Variants in SHB observed in about 807,000 individuals in gnomAD.
The protein encoded by SHB is SH2 domain containing adaptor protein B, also known as SH2 domain-containing adapter protein B.
Under a neutral mutation model 52.3 loss-of-function variants are expected in SHB, and 20 were observed. The observed-to-expected ratio is 0.38, with a 90% CI of 0.27 to 0.56. The LOEUF (loss-of-function observed/expected upper bound fraction) is 0.56. Ranked by LOEUF, SHB falls within the 20% of genes least tolerant of loss-of-function variation. SHB has a pLI of 0.71. For missense variants in SHB, 825 were observed against 723.3 expected, an observed-to-expected ratio of 1.14 and a Z score of -1.61; for synonymous variants, 397 against 316.5, an observed-to-expected ratio of 1.25 and a Z score of -2.70.
chr9:37,975,454 G>C (rs560511746), intron 2 of SHB, among the ~76,000 whole-genome samples: 119 of 152,270 alleles, frequency 7.8e-4, no homozygotes, highest in African/African-American at 2.7e-3. Context: ...ATTTGAGAGG[G>C]TGTCCAGCTT....
chr9:38,010,137 C>T (rs1464967246), intron 2 of SHB, among the ~76,000 whole-genome samples: 1 of 152,182 alleles, frequency 6.6e-6, no homozygotes, highest in African/African-American at 2.4e-5. Context: ...CATCTTGGTT[C>T]TGTTTCTGCT....
At chr9:38,063,916 T>C (rs924353793) in intron 1 of SHB, among the ~76,000 whole-genome samples, 1 of 152,038 alleles carries the variant, frequency 6.6e-6, no homozygotes, top group African/African-American at 2.4e-5. Context: ...CACATTAGTA[T>C]GTATTTAAAA....
intron 5 of SHB, among the ~76,000 whole-genome samples, chr9:37,924,165 G>C (rs1832217453): frequency 6.6e-6 from 1 of 152,218 alleles, no homozygotes; most frequent in Non-Finnish European, 1.5e-5. Flanking sequence ...GCAGAGGCCG[G>C]GGTGCTGGAG....
Position 37,919,634 on chromosome 9 carries a change from T to C in SHB, c.*187A>G. On this transcript the variant is annotated 3_prime_UTR_variant, in exon 6 of 6. Transcript: ENST00000377707. ...GGGGTGGTGTGTTGCCGCCCTTCTG[T>C]CTTTATCCAGGCCTTCTCCAGCCCC... 1 of 529,398 alleles carries C rather than the reference T, an allele frequency of 1.9e-6. No homozygotes were observed. The highest frequency in any genetic ancestry group is 5.0e-4 in the Middle Eastern group (1 of 2,008). The allele number at this position is 529,398 out of a possible 1,614,324, so 32.8% of individuals were successfully genotyped here.
chr9:38,045,693 G>T (rs976113849), intron 1 of SHB, among the ~76,000 whole-genome samples: 1 of 151,916 alleles, frequency 6.6e-6, no homozygotes, highest in Admixed American at 6.6e-5. Context: ...ACTATACAAC[G>T]TGAGATCCTA....
chr9:38,068,260 G>A lies in SHB; in HGVS notation c.386C>T (p.Ser129Leu). 6.9e-7 allele frequency: 1 copy of A among 1,447,878 alleles called. No homozygotes were observed. Among genetic ancestry groups the A allele is most frequent in the Non-Finnish European group, 9.0e-7 (1 of 1,109,034 alleles). The allele number at this position is 1,447,878 out of a possible 1,614,324, so 89.7% of individuals were successfully genotyped here. The change falls in exon 1 of 6, where the codon TCG becomes TTG. Residue 129 changes from serine (S) to leucine (L), a missense_variant. Ser to Leu is a moderately radical substitution (Grantham distance 145). Coordinates refer to ENST00000377707, the MANE Select transcript of SHB (RefSeq NM_003028.3). ...CGCGGCGCCCGACGCGGACGAGGCC[G>A]AGAAGGCGCGCTGGACCCCGCCTGG... ...GEPGGVQRAF[S>L]ASSASGAAGC...
In SHB at chr9:37,974,615, T is replaced by C; in HGVS notation, c.1054+7A>G. ...GCTGCCTCCTGAGCAGGGTCAGGGC[T>C]CCTTACCTGCCAGGGCTGGGATGGT... On this transcript the variant is annotated splice_region_variant and intron_variant, in intron 3 of 5. Transcript: ENST00000377707. The C allele has an allele frequency of 6.2e-7, 1 of 1,611,250 alleles. No individual in the cohort carries two copies. Among genetic ancestry groups the C allele is most frequent in the South Asian group, 1.1e-5 (1 of 90,908 alleles).
intron 2 of SHB, among the ~76,000 whole-genome samples, chr9:38,005,814 G>A (rs920842286): frequency 1.3e-5 from 2 of 152,154 alleles, no homozygotes; most frequent in Non-Finnish European, 2.9e-5. Context: ...GGCAGGAACT[G>A]TGGCCGGCTG....
At chr9:37,970,979 G>C (rs948824670) in intron 3 of SHB, among the ~76,000 whole-genome samples, 39 of 152,116 alleles carry the variant, frequency 2.6e-4, no homozygotes, top group African/African-American at 3.4e-4. Flanking sequence ...GGTGAAAGGA[G>C]AGGGTAATGA....
At chr9:37,957,076 C>T (rs1210571423) in intron 3 of SHB, among the ~76,000 whole-genome samples, 1 of 152,198 alleles carries the variant, frequency 6.6e-6, no homozygotes, top group East Asian at 1.9e-4. Context: ...CTCTTTGAGT[C>T]CCCAGGCTGC....
At chr9:37,964,244 G>A (rs890449114) in intron 3 of SHB, among the ~76,000 whole-genome samples, 11 of 152,208 alleles carry the variant, frequency 7.2e-5, no homozygotes, top group Non-Finnish European at 2.9e-5. Flanking sequence ...GAGGGGAGGC[G>A]GCCAGCGACT....
intron 2 of SHB, among the ~76,000 whole-genome samples, chr9:37,994,642 G>T (rs1360274364): frequency 6.6e-6 from 1 of 152,094 alleles, no homozygotes; most frequent in African/African-American, 2.4e-5. Context: ...CCAAACAAAA[G>T]GTATATAAAA....
At chr9:37,924,825 TTG>T (rs1832228812) in intron 5 of SHB, among the ~76,000 whole-genome samples, 5 of 152,108 alleles carry the variant, frequency 3.3e-5, no homozygotes, top group Non-Finnish European at 7.4e-5. Context: ...CTCAGGAAAA[TTG>T]TGTCTCATGG....
At chr9:38,047,599 GAACT>G (rs1173835322) in intron 1 of SHB, among the ~76,000 whole-genome samples, 3 of 152,224 alleles carry the variant, frequency 2.0e-5, no homozygotes, top group African/African-American at 7.2e-5. Context: ...TATAAACACA[GAACT>G]AACAGGAACT....
intron 1 of SHB, among the ~76,000 whole-genome samples, chr9:38,018,503 A>G (rs1217755382): frequency 2.7e-5 from 3 of 112,906 alleles, no homozygotes; most frequent in African/African-American, 8.6e-5. Flanking sequence ...AAATCCTTCC[A>G]TTGAAAAAAA....
intron 3 of SHB, among the ~76,000 whole-genome samples, chr9:37,958,941 G>A (rs572779215): frequency 1.8e-4 from 28 of 152,326 alleles, no homozygotes; most frequent in African/African-American, 6.7e-4. Flanking sequence ...GGGTGACCTT[G>A]GGCAGGGGAG....
At chr9:38,040,281 C>A (rs1025337110) in intron 1 of SHB, among the ~76,000 whole-genome samples, 3 of 152,196 alleles carry the variant, frequency 2.0e-5, no homozygotes, top group African/African-American at 7.2e-5. Context: ...TGACCTTGGG[C>A]AAGTCTTGGC....
chr9:38,063,802 T>G (rs962853261), intron 1 of SHB, among the ~76,000 whole-genome samples: 6 of 151,778 alleles, frequency 4.0e-5, no homozygotes, highest in African/African-American at 4.9e-5. Flanking sequence ...GATGTTTTTT[T>G]TTTTTTTTTT....
chr9:37,999,019 C>A (rs1195138363), intron 2 of SHB, among the ~76,000 whole-genome samples: 2 of 152,156 alleles, frequency 1.3e-5, no homozygotes, highest in Admixed American at 6.5e-5. Flanking sequence ...GAAGTCCCTG[C>A]GGGATCACAG....
Sources: gnomAD v4.1 joint callset for allele counts (sites outside exome capture counted in the v4.1 genomes callset) on GRCh38, gnomAD v4.1.1 for gene constraint, MANE v1.5 for transcripts, NCBI Gene and HGNC (gene_info 2026-07-23, HGNC 2026-07-21) for gene names.